ADGRL3: variants seen among roughly 807,000 people sequenced by gnomAD.
ADGRL3 encodes calcium-independent alpha-latrotoxin receptor 3.
In ADGRL3, 62 loss-of-function variants were observed where a neutral mutation model predicts 153.5. The ratio of observed to expected loss-of-function variants is 0.40; its 90% CI spans 0.33 to 0.50. ADGRL3 has a LOEUF of 0.50. Ranked by LOEUF, ADGRL3 falls within the 20% of genes least tolerant of loss-of-function variation. The probability of loss-of-function intolerance (pLI) is 0.47; values close to 1 mark genes in which losing one functional copy is unlikely to be tolerated. For missense variants in ADGRL3, 1,641 were observed against 1,859.4 expected, an observed-to-expected ratio of 0.88 and a Z score of 2.16; for synonymous variants, 710 against 672.5, an observed-to-expected ratio of 1.06 and a Z score of -0.86.
intron 21 of ADGRL3, among the ~76,000 whole-genome samples, chr4:62,009,031 G>T (rs887623996): frequency 1.3e-5 from 2 of 152,094 alleles, no homozygotes; most frequent in African/African-American, 2.4e-5. Context: ...GCCTAGATGT[G>T]TAGTAGGCTA....
chr4:61,915,024 T>C (rs564431867), intron 13 of ADGRL3, among the ~76,000 whole-genome samples: 1 of 152,182 alleles, frequency 6.6e-6, no homozygotes, highest in Non-Finnish European at 1.5e-5. Flanking sequence ...TCATTCTGAA[T>C]GTGAAGTGAA....
chr4:61,465,920 G>A (rs902003565), intron 2 of ADGRL3, among the ~76,000 whole-genome samples: 7 of 151,628 alleles, frequency 4.6e-5, no homozygotes, highest in Non-Finnish European at 1.0e-4. Flanking sequence ...TCAGGTGTTC[G>A]AGACCAGCTT....
chr4:61,324,809 G>C (rs550840146), intron 1 of ADGRL3, among the ~76,000 whole-genome samples: 1 of 152,064 alleles, frequency 6.6e-6, no homozygotes, highest in Admixed American at 6.5e-5. Flanking sequence ...TTTTGTCTTG[G>C]CTCTTACTAT....
intron 4 of ADGRL3, among the ~76,000 whole-genome samples, chr4:61,573,029 A>T (rs1043122978): frequency 6.6e-6 from 1 of 152,036 alleles, no homozygotes; most frequent in Non-Finnish European, 1.5e-5. Flanking sequence ...TCTGAGCCAA[A>T]TCTTAGGACC....
intron 9 of ADGRL3, among the ~76,000 whole-genome samples, chr4:61,863,987 T>C (rs2098375948): frequency 6.6e-6 from 1 of 152,158 alleles, no homozygotes; most frequent in Non-Finnish European, 1.5e-5. Flanking sequence ...TGCAAGAGAA[T>C]AAAAGGAAAA....
chr4:62,067,319 T>C (rs1743487392), intron 25 of ADGRL3, among the ~76,000 whole-genome samples: 1 of 152,076 alleles, frequency 6.6e-6, no homozygotes, highest in African/African-American at 2.4e-5. Flanking sequence ...AACAACTCTG[T>C]TAACCAGGCT....
intron 1 of ADGRL3, among the ~76,000 whole-genome samples, chr4:61,235,914 A>G (rs1057387376): frequency 6.6e-6 from 1 of 151,830 alleles, no homozygotes; most frequent in African/African-American, 2.4e-5. Context: ...ATTTATGTAT[A>G]TCAGCTTCTG....
chr4:61,580,163 T>C (rs960751984), intron 4 of ADGRL3, among the ~76,000 whole-genome samples: 5 of 149,138 alleles, frequency 3.4e-5, no homozygotes, highest in Non-Finnish European at 3.0e-5. Context: ...CTTTCAGATA[T>C]GTAAGAAACT....
At chr4:61,373,879 A>G (rs2096571146) in intron 1 of ADGRL3, among the ~76,000 whole-genome samples, 2 of 152,192 alleles carry the variant, frequency 1.3e-5, no homozygotes, top group South Asian at 4.1e-4. Context: ...CAATATCTAA[A>G]TAACTTAAAA....
At chr4:61,979,856 G>A in intron 18 of ADGRL3, 84 bp downstream of exon 18, 1 of 1,148,468 alleles carries the variant, frequency 8.7e-7, no homozygotes, top group Admixed American at 2.0e-5. Context: ...ACTTATGTTT[G>A]AAAGTATCAT....
At chr4:61,428,828 CATTT>C (rs1476542113) in intron 2 of ADGRL3, among the ~76,000 whole-genome samples, 3 of 135,174 alleles carry the variant, frequency 2.2e-5, no homozygotes, top group Admixed American at 1.6e-4. Flanking sequence ...ATCTAGCTAT[CATTT>C]ATCTATCTAT....
chr4:61,670,057 A>G (rs1402086390), intron 5 of ADGRL3, among the ~76,000 whole-genome samples: 1 of 152,170 alleles, frequency 6.6e-6, no homozygotes, highest in African/African-American at 2.4e-5. Flanking sequence ...GCACTCTGGG[A>G]GGCCGAGGCA....
At chr4:61,402,422 G>C (rs540101418) in intron 2 of ADGRL3, among the ~76,000 whole-genome samples, 5 of 152,144 alleles carry the variant, frequency 3.3e-5, no homozygotes, top group African/African-American at 1.2e-4. Flanking sequence ...ACATGGATTT[G>C]GTAGGTTCAA....
chr4:62,024,940 A>AC (rs914546380), intron 21 of ADGRL3, among the ~76,000 whole-genome samples: 1 of 151,692 alleles, frequency 6.6e-6, no homozygotes. Context: ...AAAAAAAAAA[A>AC]AAAAAAAAAT....
chr4:61,385,223 A>G (rs946793507), intron 2 of ADGRL3, among the ~76,000 whole-genome samples: 1 of 152,250 alleles, frequency 6.6e-6, no homozygotes, highest in East Asian at 1.9e-4. Context: ...TCATAAAGAA[A>G]GTAAATATGA....
At chr4:61,330,152 G>A (rs967696511) in intron 1 of ADGRL3, among the ~76,000 whole-genome samples, 14 of 152,128 alleles carry the variant, frequency 9.2e-5, no homozygotes, top group Non-Finnish European at 1.5e-4. Flanking sequence ...AAGGACAGAC[G>A]TATTCTTTGG....
At chr4:61,931,035 A>G (rs1255100728) in intron 13 of ADGRL3, among the ~76,000 whole-genome samples, 1 of 152,194 alleles carries the variant, frequency 6.6e-6, no homozygotes, top group Non-Finnish European at 1.5e-5. Context: ...TCATTTAGCT[A>G]GTAAAGGGAC....
intron 5 of ADGRL3, among the ~76,000 whole-genome samples, chr4:61,672,702 G>A (rs936830305): frequency 6.6e-6 from 1 of 151,954 alleles, no homozygotes; most frequent in African/African-American, 2.4e-5. Flanking sequence ...AGAGGGAAGA[G>A]AATCCTTATA....
chr4:62,068,922 T>A (rs1218955430), intron 26 of ADGRL3, among the ~76,000 whole-genome samples: 1 of 152,174 alleles, frequency 6.6e-6, no homozygotes, highest in Non-Finnish European at 1.5e-5. Context: ...TTTTGATAAA[T>A]AATTGCATCA....
Sources: gnomAD v4.1 joint callset for allele counts (sites outside exome capture counted in the v4.1 genomes callset) on GRCh38, gnomAD v4.1.1 for gene constraint, MANE v1.5 for transcripts, NCBI Gene and HGNC (gene_info 2026-07-23, HGNC 2026-07-21) for gene names.